Variants in QSOX2 observed in about 807,000 individuals in gnomAD.
QSOX2 encodes the protein quiescin sulfhydryl oxidase 2, also known as sulfhydryl oxidase 2.
QSOX2 carries 46 observed loss-of-function variants against 61.7 expected under a neutral mutation model. That is an observed-to-expected ratio of 0.75 (90% confidence interval 0.59 to 0.95). The LOEUF (loss-of-function observed/expected upper bound fraction) is 0.95, where lower values mean the gene tolerates loss of function less well. Among genes scored for constraint, QSOX2 ranks in the 40% least tolerant of loss-of-function variants. QSOX2 has a pLI of 0.00. For synonymous variants in QSOX2, 383 were observed against 388.4 expected (o/e 0.99, Z 0.16); for missense variants, 879 against 918.9 (o/e 0.96, Z 0.56).
chr9:136,227,904 G>A (rs750113811), intron 1 of QSOX2, among the ~76,000 whole-genome samples: 11 of 152,124 alleles, frequency 7.2e-5, no homozygotes, highest in Non-Finnish European at 1.0e-4. Flanking sequence ...GCTTGAGCCC[G>A]GAAGGCACAG....
chr9:136,216,893 G>A (rs2131052949), intron 8 of QSOX2, among the ~76,000 whole-genome samples, 171 bp from the exon 9 acceptor site: 1 of 152,332 alleles, frequency 6.6e-6, no homozygotes, highest in African/African-American at 2.4e-5. Context: ...AACCCAAGGG[G>A]CCATGGGGTG....
rs111392257 is a variant in QSOX2 at position 136,208,568 on chromosome 9, GT to G, written c.*159del. ...CGTGTTCTTCCCTTGTTAGAAGAGCGTTTGTAAAACCAGGACTTTGAAGCCA... is the reference window on the plus strand; with the variant it reads ...CGTGTTCTTCCCTTGTTAGAAGAGCGTTGTAAAACCAGGACTTTGAAGCCA... On this transcript the variant is annotated 3_prime_UTR_variant, in exon 12 of 12. Transcript: ENST00000358701. The G allele has an allele frequency of 0.12, 89,613 of 774,626 alleles. 5,788 individuals carry two copies. The highest frequency in any genetic ancestry group is 0.23 in the East Asian group (8,327 of 35,704). The allele number at this position is 774,626 out of a possible 1,614,324, so 48.0% of individuals were successfully genotyped here.
intron 10 of QSOX2, among the ~76,000 whole-genome samples, 184 bp downstream of exon 10, chr9:136,214,970 G>A (rs1831890887): frequency 6.6e-6 from 1 of 152,216 alleles, no homozygotes; most frequent in African/African-American, 2.4e-5. Flanking sequence ...GGGAACTCGT[G>A]CCCCCGCAGC....
At chr9:136,215,838 C>A (rs1831905297) in intron 9 of QSOX2, among the ~76,000 whole-genome samples, 1 of 152,324 alleles carries the variant, frequency 6.6e-6, no homozygotes, top group South Asian at 2.1e-4. Context: ...TCCCTAAGGA[C>A]TCCTGAGCCC....
chr9:136,216,764 C>G (rs776449179), intron 8 of QSOX2, 42 bp from the exon 9 acceptor site: 2 of 1,607,180 alleles, frequency 1.2e-6, no homozygotes, highest in South Asian at 1.1e-5. Context: ...AGACCCAAAC[C>G]CGGGCCCGCC....
intron 2 of QSOX2, among the ~76,000 whole-genome samples, chr9:136,226,484 C>T (rs1588637489): frequency 2.0e-5 from 3 of 152,198 alleles, no homozygotes; most frequent in African/African-American, 7.2e-5. Flanking sequence ...GCCCCCTGGC[C>T]GTGCAGGCTG....
chr9:136,209,841 C>T lies in QSOX2; in HGVS notation c.1550-566G>A. ...ACTGGCCCTTTCCGGACTACAAATCCCTTCAAGATCTCCAAAACTCGTTTC... is the reference window on the plus strand; with the variant it reads ...ACTGGCCCTTTCCGGACTACAAATCTCTTCAAGATCTCCAAAACTCGTTTC... On this transcript the variant is annotated intron_variant, in intron 11 of 11. Coordinates refer to ENST00000358701, the MANE Select transcript of QSOX2 (RefSeq NM_181701.4). The surrounding 1 kb of genome is among the most constrained non-coding windows in gnomAD (Gnocchi z 5.6). 1 of 985,390 alleles carries T rather than the reference C, an allele frequency of 1.0e-6. No individual in the cohort carries two copies. Among genetic ancestry groups the T allele is most frequent in the South Asian group, 4.7e-5 (1 of 21,288 alleles). 61.0% of individuals were successfully genotyped at this position (985,390 alleles called of 1,614,324 possible). A position where few individuals can be genotyped will look rare whatever the true frequency, so the allele number is the denominator to read the frequency against.
chr9:136,244,175 T>C (rs1249049498), intron 1 of QSOX2, among the ~76,000 whole-genome samples: 4 of 152,094 alleles, frequency 2.6e-5, no homozygotes, highest in Non-Finnish European at 4.4e-5. Context: ...AACTGAAGGG[T>C]TCCCTACGTG....
intron 11 of QSOX2, 48 bp downstream of exon 11, chr9:136,211,216 G>A (rs1343804752): frequency 6.3e-7 from 1 of 1,588,784 alleles, no homozygotes; most frequent in Non-Finnish European, 8.6e-7. Context: ...CCAGGACCAG[G>A]GCCTCCCTCC....
chr9:136,227,845 G>A (rs964723229), intron 1 of QSOX2, among the ~76,000 whole-genome samples: 1 of 152,160 alleles, frequency 6.6e-6, no homozygotes, highest in Admixed American at 6.5e-5. Flanking sequence ...GGGCGTTGGT[G>A]GCGCACACCT....
intron 2 of QSOX2, among the ~76,000 whole-genome samples, chr9:136,226,323 G>C (rs1325401678): frequency 6.6e-6 from 1 of 152,210 alleles, no homozygotes; most frequent in Non-Finnish European, 1.5e-5. Flanking sequence ...CTTGTCTGCA[G>C]GGCTGACTTT....
At chr9:136,213,123 G>C (rs1356081841) in intron 10 of QSOX2, among the ~76,000 whole-genome samples, 1 of 151,972 alleles carries the variant, frequency 6.6e-6, no homozygotes, top group Non-Finnish European at 1.5e-5. Flanking sequence ...GCGTGTGCCC[G>C]TGTGATCAGA....
At position 136,221,674 on chromosome 9, in the gene QSOX2, G is replaced by A; in HGVS notation, c.821+122C>T. The A allele has an allele frequency of 9.3e-7, 1 of 1,080,250 alleles. No individual in the cohort carries two copies. Among genetic ancestry groups the A allele is most frequent in the Non-Finnish European group, 1.3e-6 (1 of 777,672 alleles). 66.9% of individuals were successfully genotyped at this position (1,080,250 alleles called of 1,614,324 possible). A position where few individuals can be genotyped will look rare whatever the true frequency, so the allele number is the denominator to read the frequency against. ...AGAGCCAGGGCCCAAATCTGCCCAG[G>A]GAAGCGAGGCGGAGGGGCCAGGGCT... is the stretch of plus-strand genomic sequence containing the variant. On this transcript the variant is annotated intron_variant, in intron 6 of 11. Coordinates refer to ENST00000358701, the MANE Select transcript of QSOX2 (RefSeq NM_181701.4). The surrounding 1 kb of genome is among the most constrained non-coding windows in gnomAD (Gnocchi z 4.5).
rs377200165 is a variant in QSOX2, at chr9:136,224,143, G to A, written c.479-31C>T. 1,565 of 1,564,246 alleles carry A rather than the reference G, an allele frequency of 1.0e-3. 1 individual carries two copies. Among genetic ancestry groups the A allele is most frequent in the Non-Finnish European group, 1.3e-3 (1,477 of 1,138,126 alleles). ...GGAAGCACACCAGGGTCAGAGCTGT[G>A]TGTGCGGCTGTCCTCGTGGGGCAGG... On this transcript the variant is annotated intron_variant, in intron 3 of 11. Transcript: ENST00000358701.
intron 1 of QSOX2, among the ~76,000 whole-genome samples, chr9:136,242,326 C>T (rs1295986094): frequency 1.3e-5 from 2 of 152,264 alleles, no homozygotes; most frequent in Admixed American, 6.5e-5. Context: ...GGAAGCAGAG[C>T]CCACACCTAA....
intron 10 of QSOX2, among the ~76,000 whole-genome samples, chr9:136,214,209 C>T (rs1167321911): frequency 2.0e-5 from 3 of 152,174 alleles, no homozygotes; most frequent in Non-Finnish European, 4.4e-5. Context: ...CTGTGAAGGA[C>T]AGAAAATTTG....
intron 1 of QSOX2, among the ~76,000 whole-genome samples, chr9:136,241,387 T>A (rs1033660557): frequency 6.6e-6 from 1 of 152,186 alleles, no homozygotes; most frequent in East Asian, 1.9e-4. Context: ...AAACGGACAA[T>A]GAGCCTGTGG....
intron 1 of QSOX2, among the ~76,000 whole-genome samples, chr9:136,243,248 G>C (rs1265855709): frequency 6.6e-6 from 1 of 152,174 alleles, no homozygotes; most frequent in South Asian, 2.1e-4. Context: ...AGGGAAATTT[G>C]CATCTGTAGA....
chr9:136,214,873 G>A (rs1831889980), intron 10 of QSOX2, among the ~76,000 whole-genome samples: 1 of 152,218 alleles, frequency 6.6e-6, no homozygotes. Flanking sequence ...AGTTTACACT[G>A]CAGGGAAACT....
Sources: gnomAD v4.1 joint callset for allele counts (sites outside exome capture counted in the v4.1 genomes callset) on GRCh38, gnomAD v4.1.1 for gene constraint, Gnocchi (gnomAD v3.1) non-coding constraint, MANE v1.5 for transcripts, NCBI Gene and HGNC (gene_info 2026-07-23, HGNC 2026-07-21) for gene names.